Variants in SLC26A8 observed in about 807,000 individuals in gnomAD.
SLC26A8 encodes testis anion transporter 1.
A neutral mutation model predicts 105.0 loss-of-function variants in SLC26A8; 70 were observed. The observed-to-expected ratio is 0.67, with a 90% CI of 0.55 to 0.81. The LOEUF (loss-of-function observed/expected upper bound fraction) is 0.81, where lower values mean the gene tolerates loss of function less well. Among genes scored for constraint, SLC26A8 ranks in the 40% least tolerant of loss-of-function variants. The pLI is 0.00. For missense variants in SLC26A8, 998 were observed against 1,181.8 expected, an observed-to-expected ratio of 0.84 and a Z score of 2.28; for synonymous variants, 415 against 438.3, an observed-to-expected ratio of 0.95 and a Z score of 0.66.
intron 2 of SLC26A8, among the ~76,000 whole-genome samples, chr6:36,018,745 C>A (rs927953410): frequency 6.6e-6 from 1 of 152,088 alleles, no homozygotes; most frequent in African/African-American, 2.4e-5. Flanking sequence ...CTAGAAGGTT[C>A]AAAGCACAAA....
intron 10 of SLC26A8, among the ~76,000 whole-genome samples, chr6:35,972,078 T>G (rs1003916760): frequency 6.6e-6 from 1 of 152,062 alleles, no homozygotes. Flanking sequence ...GGGAAATGAG[T>G]TCTAGACAGC....
chr6:35,943,903 G>A lies in SLC26A8; in HGVS notation c.2910C>T (p.Val970=). 2 of 1,613,050 alleles carry A rather than the reference G, an allele frequency of 1.2e-6. No homozygotes were observed. The highest frequency in any genetic ancestry group is 1.7e-6 in the Non-Finnish European group (2 of 1,179,172). Residue 970 remains valine (V), a synonymous_variant, in exon 20 of 20, where the codon GTC becomes GTT. Coordinates refer to ENST00000490799, the MANE Select transcript of SLC26A8 (RefSeq NM_052961.4). ...CCCCTTATTTCTAGTTCATCTCCTA[G>A]ACATCTTCATTGCTGTTGCCCTCTG... ...YSPEGNSNED[V]
rs552212108 is a variant in SLC26A8 at position 36,024,541 on chromosome 6, A to T, written c.-40T>A. 5.7e-5 allele frequency: 24 copies of T among 420,998 alleles called. No homozygotes were observed. Among genetic ancestry groups the T allele is most frequent in the South Asian group, 4.0e-4 (24 of 59,380 alleles). 26.1% of individuals were successfully genotyped at this position (420,998 alleles called of 1,614,324 possible). A position where few individuals can be genotyped will look rare whatever the true frequency, so the allele number is the denominator to read the frequency against. ...CGGGGGCGGGAGTGCGGGCGCTGGG[A>T]TCCCACACGGCTCTCGCCTGGCTGG... On this transcript the variant is annotated 5_prime_UTR_variant, in exon 1 of 20. Coordinates refer to ENST00000490799, the MANE Select transcript of SLC26A8 (RefSeq NM_052961.4).
At chr6:35,969,295 C>A (rs1772685263) in intron 10 of SLC26A8, 1 of 241,162 alleles carries the variant, frequency 4.1e-6, no homozygotes, top group Non-Finnish European at 8.3e-6. Context: ...CCTCTCCTTG[C>A]ACAATTTAGA....
At position 35,991,781 on chromosome 6, in the gene SLC26A8, G is replaced by A. The variant is rs773998145; in HGVS notation, c.820C>T (p.Pro274Ser). The change falls in exon 7 of 20, where the codon CCA becomes TCA. Residue 274 changes from proline to serine, a missense_variant. Physicochemically the swap from Pro to Ser is moderately conservative, Grantham distance 74. Coordinates refer to ENST00000490799, the MANE Select transcript of SLC26A8 (RefSeq NM_052961.4). The part of the protein sequence containing the change: ...YDIINYCVAL[P>S]KANSTSILVF... ...AGAATGCTGGTGGAATTCGCTTTTG[G>A]GAGAGCTACACAGTAATTAATTATG... is the stretch of plus-strand genomic sequence containing the variant. 3.1e-6 allele frequency: 5 copies of A among 1,603,186 alleles called. No individual in the cohort carries two copies. In the South Asian group the frequency reaches 5.7e-5, roughly 18 times the overall value.
intron 5 of SLC26A8, among the ~76,000 whole-genome samples, chr6:35,994,730 C>G (rs1761300958): frequency 6.6e-6 from 1 of 152,114 alleles, no homozygotes; most frequent in Non-Finnish European, 1.5e-5. Context: ...TGCCCAGCAC[C>G]ACGCCTGGCT....
rs745726497 is a variant in SLC26A8, at chr6:35,959,702, G to C, written c.1731+12C>G. 1 of 1,606,150 alleles carries C rather than the reference G, an allele frequency of 6.2e-7. No individual in the cohort carries two copies. Among genetic ancestry groups the C allele is most frequent in the Non-Finnish European group, 8.5e-7 (1 of 1,177,168 alleles). ...TGGGCAGGTTGAGAAAGGCGGGCAG[G>C]AGGGCAGATACCTCTTTTAACAGCT... On this transcript the variant is annotated intron_variant, in intron 15 of 19. Transcript: ENST00000490799.
In SLC26A8 at chr6:35,944,020, C is replaced by T; in HGVS notation, c.2793G>A (p.Met931Ile). 1 of 1,614,096 alleles carries T rather than the reference C, an allele frequency of 6.2e-7. No homozygotes were observed. The highest frequency in any genetic ancestry group is 8.5e-7 in the Non-Finnish European group (1 of 1,180,008). The part of the protein sequence containing the change: ...HTFPQQRYWP[M>I]YHPSMASTQS... Reference sequence around the variant, plus strand: ...GGGTGGAAGCCATAGACGGATGATACATAGGCCAGTAACGCTGCTGAGGAA... The same window carrying T: ...GGGTGGAAGCCATAGACGGATGATATATAGGCCAGTAACGCTGCTGAGGAA... Residue 931 changes from methionine to isoleucine, a missense_variant, in exon 20 of 20, where the codon ATG (methionine) becomes ATA (isoleucine). Physicochemically the swap from Met to Ile is conservative, Grantham distance 10. Transcript: ENST00000490799.
In SLC26A8 at chr6:35,993,190, G is replaced by GC. The variant is rs1449108993; in HGVS notation, c.628-517_628-516insG. The stretch of plus-strand genomic sequence containing the variant: ...TTTTTTTTTTTTGATAGAGATTGGA[G>GC]GGGGGGGTCTTGCTATATTACCTAG... On this transcript the variant is annotated intron_variant, in intron 5 of 19. Coordinates refer to ENST00000490799, the MANE Select transcript of SLC26A8 (RefSeq NM_052961.4). 1.8e-4 allele frequency among the ~76,000 whole-genome samples: 8 copies of GC among 45,372 alleles called. 1 individual carries two copies. The highest frequency in any genetic ancestry group is 3.5e-4 in the Non-Finnish European group (6 of 17,322). 29.8% of individuals were successfully genotyped at this position (45,372 alleles called of 152,430 possible).
intron 2 of SLC26A8, among the ~76,000 whole-genome samples, chr6:36,013,199 CT>C (rs546063188): frequency 4.0e-3 from 569 of 142,668 alleles, no homozygotes; most frequent in South Asian, 6.3e-3. Flanking sequence ...TGTCCAGAGA[CT>C]TTTTTTTTTT....
chr6:35,972,393 G>GAA (rs112299073), intron 10 of SLC26A8, among the ~76,000 whole-genome samples: 331 of 133,818 alleles, frequency 2.5e-3, no homozygotes, highest in African/African-American at 8.3e-3. Flanking sequence ...CCCTGTCTCT[G>GAA]AAAAAAAAAA....
chr6:35,960,635 C>T, intron 14 of SLC26A8: 2 of 600,162 alleles, frequency 3.3e-6, no homozygotes, highest in Admixed American at 6.1e-5. Context: ...TACTGTCCAG[C>T]TTGGGTGACA....
intron 2 of SLC26A8, among the ~76,000 whole-genome samples, chr6:36,014,637 T>C (rs1170875116): frequency 6.6e-6 from 1 of 152,136 alleles, no homozygotes; most frequent in Non-Finnish European, 1.5e-5. Flanking sequence ...ATCCCAGCAC[T>C]TTGGGAGGCC....
At chr6:35,955,562 A>G in intron 16 of SLC26A8, 42 bp from the exon 17 acceptor site, 2 of 1,597,532 alleles carry the variant, frequency 1.3e-6, no homozygotes, top group Non-Finnish European at 8.5e-7. Flanking sequence ...TAAGACACCA[A>G]CAAGGGCCGG....
intron 19 of SLC26A8, among the ~76,000 whole-genome samples, chr6:35,949,677 A>G (rs75889144): frequency 0.093 from 14,203 of 152,164 alleles, 2,070 homozygotes; most frequent in African/African-American, 0.31. Context: ...ATTAAAAAAT[A>G]GAGAAACTTC....
intron 15 of SLC26A8, 22 bp from the exon 16 acceptor site, chr6:35,959,613 A>G: frequency 1.9e-6 from 3 of 1,610,044 alleles, no homozygotes; most frequent in Admixed American, 1.7e-5. Flanking sequence ...GAGAGGTCTC[A>G]TCCAGAGGAA....
chr6:35,949,647 A>G (rs973481910), intron 19 of SLC26A8, among the ~76,000 whole-genome samples: 5 of 152,138 alleles, frequency 3.3e-5, no homozygotes, highest in African/African-American at 1.2e-4. Context: ...AAACAAATAT[A>G]TCGAGTATCA....
At chr6:36,019,466 T>G in intron 2 of SLC26A8, 54 bp downstream of exon 2, 1 of 1,545,320 alleles carries the variant, frequency 6.5e-7, no homozygotes, top group Non-Finnish European at 8.8e-7. Flanking sequence ...AGGAGTCAGG[T>G]TAGGTTTCAG....
intron 3 of SLC26A8, among the ~76,000 whole-genome samples, chr6:36,007,513 A>G (rs768783337): frequency 6.6e-6 from 1 of 152,376 alleles, no homozygotes; most frequent in Middle Eastern, 3.4e-3. Context: ...AAAGATGCCA[A>G]TTCTTCCTGA....
Sources: allele counts gnomAD v4.1 joint callset (sites outside exome capture counted in the v4.1 genomes callset), GRCh38; gene constraint gnomAD v4.1.1; transcripts MANE v1.5; gene names NCBI Gene and HGNC (gene_info 2026-07-23, HGNC 2026-07-21).